Variants in MRTFA observed in about 807,000 individuals in gnomAD.
The protein encoded by MRTFA is myocardin related transcription factor A, also known as myocardin-related transcription factor A.
MRTFA carries 20 observed loss-of-function variants against 83.5 expected under a neutral mutation model. The ratio of observed to expected loss-of-function variants is 0.24; its 90% CI spans 0.17 to 0.35. MRTFA has a LOEUF of 0.35. Ranked by LOEUF, MRTFA falls within the 10% of genes least tolerant of loss-of-function variation. The probability of loss-of-function intolerance (pLI) is 1.00; values close to 1 mark genes in which losing one functional copy is unlikely to be tolerated. For synonymous variants in MRTFA, 659 were observed against 541.2 expected (o/e 1.22, Z -3.02); for missense variants, 1,200 against 1,224.7 (o/e 0.98, Z 0.30).
intron 4 of MRTFA, among the ~76,000 whole-genome samples, chr22:40,451,422 T>C (rs2053484259): frequency 6.6e-6 from 1 of 152,158 alleles, no homozygotes; most frequent in Admixed American, 6.5e-5. Flanking sequence ...ACACATCCTG[T>C]TTTGGTATGC....
In MRTFA at chr22:40,411,130, A is replaced by ATGGCCC. The variant is rs939289769; in HGVS notation, c.*254_*259dup. 1.3e-5 allele frequency: 5 copies of ATGGCCC among 371,508 alleles called. No homozygotes were observed. Among genetic ancestry groups the ATGGCCC allele is most frequent in the African/African-American group, 2.1e-5 (1 of 48,554 alleles). The allele number at this position is 371,508 out of a possible 1,614,324, so 23.0% of individuals were successfully genotyped here. A position where few individuals can be genotyped will look rare whatever the true frequency, so the allele number is the denominator to read the frequency against. On this transcript the variant is annotated 3_prime_UTR_variant, in exon 15 of 15. Transcript: ENST00000355630. ...CCTCAAAAAAGGAGGTCAAGCTGAA[A>ATGGCCC]TGGCCCTGACCCTGACCGTGTGTCC... is the stretch of plus-strand genomic sequence containing the variant.
intron 3 of MRTFA, among the ~76,000 whole-genome samples, chr22:40,551,595 C>T (rs948413771): frequency 6.6e-6 from 1 of 152,134 alleles, no homozygotes; most frequent in Non-Finnish European, 1.5e-5. Flanking sequence ...CTCTTAACTC[C>T]TGACCTGAGG....
At chr22:40,587,811 C>A (rs1602466320) in intron 2 of MRTFA, 1 of 342,698 alleles carries the variant, frequency 2.9e-6, no homozygotes, top group Non-Finnish European at 5.8e-6. Context: ...CAAGATTCAG[C>A]ACTGGTCTGA....
At chr22:40,495,321 G>A (rs563653307) in intron 3 of MRTFA, among the ~76,000 whole-genome samples, 13 of 152,066 alleles carry the variant, frequency 8.5e-5, no homozygotes, top group East Asian at 1.9e-4. Context: ...GTGTGGTGGC[G>A]GGCGCCTGTA....
chr22:40,483,058 C>T (rs1190585536), intron 3 of MRTFA, among the ~76,000 whole-genome samples: 1 of 151,768 alleles, frequency 6.6e-6, no homozygotes, highest in Non-Finnish European at 1.5e-5. Context: ...GTGAGCCCGT[C>T]TCAAAAAAAC....
intron 3 of MRTFA, among the ~76,000 whole-genome samples, chr22:40,463,878 G>A (rs1470743256): frequency 1.3e-5 from 2 of 152,074 alleles, no homozygotes; most frequent in Non-Finnish European, 2.9e-5. Flanking sequence ...TTCTGTTGAG[G>A]TGAAACAATT....
At chr22:40,536,038 A>G (rs2055165954) in intron 3 of MRTFA, among the ~76,000 whole-genome samples, 1 of 152,070 alleles carries the variant, frequency 6.6e-6, no homozygotes, top group Non-Finnish European at 1.5e-5. Context: ...TTAAACAAGA[A>G]GCACTTACTT....
chr22:40,620,708 A>T (rs2056512419), intron 1 of MRTFA, among the ~76,000 whole-genome samples: 1 of 152,150 alleles, frequency 6.6e-6, no homozygotes, highest in Non-Finnish European at 1.5e-5. Context: ...CCTTCAGCCA[A>T]CCATAAGCAG....
intron 4 of MRTFA, among the ~76,000 whole-genome samples, chr22:40,456,486 G>C (rs1015615344): frequency 5.3e-5 from 8 of 152,198 alleles, no homozygotes; most frequent in South Asian, 2.1e-4. Flanking sequence ...CCCAGAGTTT[G>C]AGACCAACCT....
In MRTFA at chr22:40,418,789, C is replaced by A. The variant is rs377354099; in HGVS notation, c.1949G>T (p.Arg650Leu). 1 of 1,588,850 alleles carries A rather than the reference C, an allele frequency of 6.3e-7. No homozygotes were observed. Among genetic ancestry groups the A allele is most frequent in the Admixed American group, 1.7e-5 (1 of 57,614 alleles). ...CTCCTGCTCCAGCTGCAGCTTGAGC[C>A]GCTCCACCAGCTGCTGCTTCTGCCG... The change falls in exon 12 of 15, where the codon CGG (arginine) becomes CTG (leucine). Residue 650 changes from arginine to leucine, a missense_variant. Around this residue, in one of 2 missense-constraint regions of MRTFA, gnomAD observed 1,107 missense variants for 1,041.8 expected, o/e 1.06. Transcript: ENST00000355630.
At chr22:40,605,070 A>T (rs560998757) in intron 1 of MRTFA, among the ~76,000 whole-genome samples, 4 of 152,336 alleles carry the variant, frequency 2.6e-5, no homozygotes, top group Non-Finnish European at 5.9e-5. Context: ...TATCACTTAC[A>T]GATTGTAAGA....
intron 2 of MRTFA, among the ~76,000 whole-genome samples, chr22:40,559,478 G>A (rs1459012312): frequency 2.0e-5 from 3 of 152,070 alleles, no homozygotes; most frequent in Non-Finnish European, 2.9e-5. Flanking sequence ...AGAGTGCAAT[G>A]GAATGATCAT....
intron 3 of MRTFA, among the ~76,000 whole-genome samples, chr22:40,470,233 A>T (rs1272776021): frequency 4.0e-4 from 5 of 12,502 alleles, no homozygotes; most frequent in African/African-American, 9.3e-4. Flanking sequence ...CCAAAATTTT[A>T]TATATATATA....
At chr22:40,577,402 T>G (rs377023404) in intron 2 of MRTFA, among the ~76,000 whole-genome samples, 1 of 151,852 alleles carries the variant, frequency 6.6e-6, no homozygotes, top group Non-Finnish European at 1.5e-5. Context: ...ATGTACATAA[T>G]AGACATTAAC....
intron 3 of MRTFA, among the ~76,000 whole-genome samples, chr22:40,499,866 C>G (rs2054426290): frequency 7.0e-6 from 1 of 143,628 alleles, no homozygotes; most frequent in Non-Finnish European, 1.5e-5. Context: ...AGCCCAAAAA[C>G]AAGTATTTAA....
intron 2 of MRTFA, among the ~76,000 whole-genome samples, chr22:40,584,602 G>A (rs1168997884): frequency 6.6e-6 from 1 of 152,074 alleles, no homozygotes; most frequent in Admixed American, 6.6e-5. Context: ...CGGGTGTGGT[G>A]GCACATGCCT....
intron 3 of MRTFA, chr22:40,522,830 G>C (rs1385757041): frequency 2.0e-5 from 3 of 152,160 alleles, no homozygotes; most frequent in Non-Finnish European, 4.4e-5. Context: ...CTAGCCACAG[G>C]TATGTTCGGG....
chr22:40,632,656 G>A (rs1331880615), intron 1 of MRTFA, among the ~76,000 whole-genome samples: 2 of 151,922 alleles, frequency 1.3e-5, no homozygotes, highest in Non-Finnish European at 2.9e-5. Context: ...GGCTGGTCTC[G>A]ATCTCCTGAC....
At position 40,416,257 on chromosome 22, in the gene MRTFA, C is replaced by G. The variant is rs1433920107; in HGVS notation, c.2578+729G>C. Among the ~76,000 whole-genome samples, 3 of 152,224 alleles carry G rather than the reference C, an allele frequency of 2.0e-5. No homozygotes were observed. The highest frequency in any genetic ancestry group is 4.4e-5 in the Non-Finnish European group (3 of 68,034). Reference sequence around the variant, plus strand: ...ATAAAGACACCAACCTGGCTCTCTCCAAATGGGGCTGATTCCAGCCGCTCC... The same window carrying G: ...ATAAAGACACCAACCTGGCTCTCTCGAAATGGGGCTGATTCCAGCCGCTCC... On this transcript the variant is annotated intron_variant, in intron 14 of 14. Transcript: ENST00000355630. The surrounding 1 kb of genome is among the most constrained non-coding windows in gnomAD (Gnocchi z 4.2).
Sources: gnomAD v4.1 joint callset for allele counts (sites outside exome capture counted in the v4.1 genomes callset) on GRCh38, gnomAD v4.1.1 for gene constraint, gnomAD v4.1.1 regional missense constraint, Gnocchi (gnomAD v3.1) non-coding constraint, MANE v1.5 for transcripts, NCBI Gene and HGNC (gene_info 2026-07-23, HGNC 2026-07-21) for gene names.